Variants in SDK1 observed in about 807,000 individuals in gnomAD.
The protein encoded by SDK1 is protein sidekick-1.
A neutral mutation model predicts 245.5 loss-of-function variants in SDK1; 157 were observed. That is an observed-to-expected ratio of 0.64 (90% CI 0.56 to 0.73). SDK1 has a LOEUF of 0.73. Ranked by LOEUF, SDK1 falls within the 30% of genes least tolerant of loss-of-function variation. The pLI, the probability that SDK1 is intolerant of heterozygous loss-of-function variation, is 0.00. For synonymous variants in SDK1, 1,647 were observed against 1,278.5 expected, an observed-to-expected ratio of 1.29 and a Z score of -6.15; for missense variants, 3,583 against 3,002.3, an observed-to-expected ratio of 1.19 and a Z score of -4.52.
chr7:3,306,958 T>C lies in SDK1; in HGVS notation c.298+5074T>C, dbSNP rs540278289. Among the ~76,000 whole-genome samples, 9 of 152,286 alleles carry C rather than the reference T, an allele frequency of 5.9e-5. No homozygotes were observed. The South Asian group carries it at 1.9e-3, about 32-fold the overall frequency. On this transcript the variant is annotated intron_variant, in intron 1 of 44. Coordinates refer to ENST00000404826, the MANE Select transcript of SDK1 (RefSeq NM_152744.4). Reference sequence around the variant, plus strand: ...TAAGAAGTAAAGAAAGTGGTAGTTATGAGAGTAGACCTCCAGGTCCAAATG... The same window carrying C: ...TAAGAAGTAAAGAAAGTGGTAGTTACGAGAGTAGACCTCCAGGTCCAAATG...
At chr7:3,575,471 C>G (rs572320813) in intron 1 of SDK1, among the ~76,000 whole-genome samples, 1 of 147,346 alleles carries the variant, frequency 6.8e-6, no homozygotes, top group South Asian at 2.1e-4. Flanking sequence ...CTAAGAACAT[C>G]TAATTTGATG....
intron 22 of SDK1, among the ~76,000 whole-genome samples, chr7:4,087,329 C>G (rs1781487309): frequency 6.6e-6 from 1 of 152,108 alleles, no homozygotes. Context: ...GCACTTTGGT[C>G]TATTTCTGAA....
chr7:4,160,277 C>T (rs1781029611), intron 31 of SDK1, among the ~76,000 whole-genome samples: 1 of 152,204 alleles, frequency 6.6e-6, no homozygotes, highest in Admixed American at 6.5e-5. Context: ...CCCACACAAG[C>T]TGATGTCATT....
intron 1 of SDK1, among the ~76,000 whole-genome samples, chr7:3,598,755 C>A (rs2341584): frequency 0.19 from 29,485 of 152,184 alleles, 3,248 homozygotes; most frequent in South Asian, 0.29. Flanking sequence ...CAGCAAAATT[C>A]ACTGCAAATT....
intron 1 of SDK1, among the ~76,000 whole-genome samples, chr7:3,469,467 C>G (rs1363514026): frequency 6.6e-6 from 1 of 152,072 alleles, no homozygotes; most frequent in African/African-American, 2.4e-5. Flanking sequence ...GGAATTAAGA[C>G]CTGCAGTAAA....
chr7:3,704,878 A>G (rs1385437501), intron 4 of SDK1, among the ~76,000 whole-genome samples: 1 of 152,190 alleles, frequency 6.6e-6, no homozygotes, highest in Non-Finnish European at 1.5e-5. Context: ...GGTAAGAGAC[A>G]GGGATTCAGT....
chr7:4,074,935 A>T (rs1275324764), intron 20 of SDK1, among the ~76,000 whole-genome samples: 2 of 123,124 alleles, frequency 1.6e-5, no homozygotes, highest in Admixed American at 1.6e-4. Context: ...TTTTTTTAAT[A>T]AAGTTAGGAA....
At chr7:3,735,415 G>C (rs1345358539) in intron 4 of SDK1, among the ~76,000 whole-genome samples, 1 of 152,156 alleles carries the variant, frequency 6.6e-6, no homozygotes, top group Non-Finnish European at 1.5e-5. Flanking sequence ...TGAAGGCAGA[G>C]AGTATTTTGA....
intron 22 of SDK1, among the ~76,000 whole-genome samples, chr7:4,105,377 G>A (rs943090521): frequency 6.6e-6 from 1 of 151,910 alleles, no homozygotes; most frequent in Admixed American, 6.6e-5. Flanking sequence ...CATGATCTCA[G>A]CTCACTGCAT....
intron 3 of SDK1, among the ~76,000 whole-genome samples, chr7:3,639,906 G>A (rs1474231938): frequency 6.6e-6 from 1 of 152,054 alleles, no homozygotes; most frequent in Non-Finnish European, 1.5e-5. Flanking sequence ...CTGGAGTGCA[G>A]TGGCACAAAC....
intron 41 of SDK1, among the ~76,000 whole-genome samples, chr7:4,234,437 G>C (rs1262413193): frequency 6.6e-6 from 1 of 152,190 alleles, no homozygotes; most frequent in Non-Finnish European, 1.5e-5. Context: ...ATGACACACA[G>C]GGTGGGGGCT....
At chr7:4,263,317 GC>G (rs899098704) in intron 44 of SDK1, among the ~76,000 whole-genome samples, 5 of 150,816 alleles carry the variant, frequency 3.3e-5, no homozygotes, top group African/African-American at 1.2e-4. Context: ...TCTATGTTCT[GC>G]CCTGTAGGGG....
chr7:4,048,326 CA>C (rs1476699122), intron 17 of SDK1, among the ~76,000 whole-genome samples: 1 of 152,144 alleles, frequency 6.6e-6, no homozygotes, highest in Non-Finnish European at 1.5e-5. Flanking sequence ...CTCTGCAGGC[CA>C]CTGGGGTTCC....
intron 1 of SDK1, among the ~76,000 whole-genome samples, chr7:3,401,935 G>A (rs911764810): frequency 3.3e-5 from 5 of 152,058 alleles, no homozygotes; most frequent in South Asian, 4.2e-4. Flanking sequence ...ATGTTCTTAC[G>A]TATGTGTGTA....
At chr7:3,646,317 G>A (rs1782833718) in intron 4 of SDK1, among the ~76,000 whole-genome samples, 1 of 143,956 alleles carries the variant, frequency 6.9e-6, no homozygotes, top group Admixed American at 6.8e-5. Context: ...ATAATTAAAT[G>A]ATTTTTTTTT....
rs535829313 is a variant in SDK1 at position 3,521,163 on chromosome 7, C to T, written c.299-97917C>T. On this transcript the variant is annotated intron_variant, in intron 1 of 44. Coordinates refer to ENST00000404826, the MANE Select transcript of SDK1 (RefSeq NM_152744.4). ...TCTTTGCCCATGAGGCTGCTCACATCCCTTCGTGTTTTCCATGTGACCCTG... is the reference window on the plus strand; with the variant it reads ...TCTTTGCCCATGAGGCTGCTCACATTCCTTCGTGTTTTCCATGTGACCCTG... 8.5e-5 allele frequency among the ~76,000 whole-genome samples: 13 copies of T among 152,300 alleles called. No individual in the cohort carries two copies. The South Asian group carries it at 2.7e-3, about 32-fold the overall frequency.
At chr7:3,461,339 A>G (rs7787527) in intron 1 of SDK1, among the ~76,000 whole-genome samples, 2,910 of 152,290 alleles carry the variant, frequency 0.019, 106 homozygotes, top group African/African-American at 0.065. Context: ...TGTTTGATAT[A>G]GCTGAAGTTG....
At chr7:4,154,987 T>G (rs895491752) in intron 30 of SDK1, among the ~76,000 whole-genome samples, 1 of 151,776 alleles carries the variant, frequency 6.6e-6, no homozygotes, top group Non-Finnish European at 1.5e-5. Flanking sequence ...GATCAAACAT[T>G]TGGTCTAGGA....
chr7:3,534,189 A>G (rs371064156), intron 1 of SDK1, among the ~76,000 whole-genome samples: 31 of 152,336 alleles, frequency 2.0e-4, no homozygotes, highest in Admixed American at 5.2e-4. Flanking sequence ...CTCCCTGAGC[A>G]TAAGTCTCAA....
Sources: allele counts gnomAD v4.1 joint callset (sites outside exome capture counted in the v4.1 genomes callset), GRCh38; gene constraint gnomAD v4.1.1; transcripts MANE v1.5; gene names NCBI Gene and HGNC (gene_info 2026-07-23, HGNC 2026-07-21).